The following IL1RAPL1 variants were observed in gnomAD, a reference collection of about 807,000 sequenced individuals.
IL1RAPL1 encodes the protein interleukin-1 receptor accessory protein-like 1.
A neutral mutation model predicts 48.4 loss-of-function variants in IL1RAPL1; 3 were observed. That is an observed-to-expected ratio of 0.06 (90% confidence interval 0.03 to 0.16). IL1RAPL1 has a LOEUF of 0.16. Among genes scored for constraint, IL1RAPL1 ranks in the 10% least tolerant of loss-of-function variants. IL1RAPL1 has a pLI of 1.00. For missense variants in IL1RAPL1, 349 were observed against 530.6 expected (o/e 0.66, Z 3.36); for synonymous variants, 185 against 187.7 (o/e 0.99, Z 0.12).
chrX:28,789,925 G>A (rs1223674487), intron 2 of IL1RAPL1, among the ~76,000 whole-genome samples: 1 of 111,666 alleles, frequency 9.0e-6, no homozygotes, highest in Non-Finnish European at 1.9e-5. Context: ...TATTTTAATA[G>A]GAAATATAGA....
At chrX:29,626,989 A>G (rs1044635782) in intron 5 of IL1RAPL1, among the ~76,000 whole-genome samples, 1 of 112,460 alleles carries the variant, frequency 8.9e-6, no homozygotes, top group East Asian at 2.8e-4. Flanking sequence ...TTAATTACTC[A>G]TGAGATACTC....
chrX:29,052,033 T>G (rs1476353112), intron 2 of IL1RAPL1, among the ~76,000 whole-genome samples: 2 of 112,269 alleles, frequency 1.8e-5, no homozygotes, highest in Non-Finnish European at 3.8e-5. Context: ...CTTCCATATA[T>G]TCCCTCCATA....
intron 6 of IL1RAPL1, among the ~76,000 whole-genome samples, chrX:29,815,667 A>C (rs957779793): frequency 9.0e-6 from 1 of 110,564 alleles, no homozygotes; most frequent in African/African-American, 3.3e-5. Context: ...TGTTCTTAGG[A>C]TATATGCTTC....
chrX:28,975,382 C>T (rs1315424822), intron 2 of IL1RAPL1, among the ~76,000 whole-genome samples: 1 of 112,087 alleles, frequency 8.9e-6, no homozygotes, highest in East Asian at 2.8e-4. Context: ...AGCACTTTAA[C>T]TGTCCTATCA....
At chrX:29,723,748 C>T (rs1265379595) in intron 6 of IL1RAPL1, among the ~76,000 whole-genome samples, 2 of 112,048 alleles carry the variant, frequency 1.8e-5, no homozygotes, top group Non-Finnish European at 3.8e-5. Context: ...AGATAAACTT[C>T]GTTGTCACTA....
chrX:28,740,953 A>C (rs1935899503), intron 1 of IL1RAPL1, among the ~76,000 whole-genome samples: 1 of 112,131 alleles, frequency 8.9e-6, no homozygotes, highest in Non-Finnish European at 1.9e-5. Flanking sequence ...TGCAGTTAAC[A>C]TATGAGTGCG....
intron 1 of IL1RAPL1, among the ~76,000 whole-genome samples, chrX:28,671,814 T>C (rs1934948958): frequency 8.9e-6 from 1 of 112,007 alleles, no homozygotes; most frequent in African/African-American, 3.2e-5. Flanking sequence ...TCCGCACTGG[T>C]ATTTATTTAT....
chrX:28,702,872 G>T (rs1453423667), intron 1 of IL1RAPL1, among the ~76,000 whole-genome samples: 2 of 109,307 alleles, frequency 1.8e-5, no homozygotes, highest in South Asian at 7.7e-4. Flanking sequence ...GAAGACTGTA[G>T]CTTCAAACAT....
At chrX:28,710,973 G>T (rs916880436) in intron 1 of IL1RAPL1, among the ~76,000 whole-genome samples, 1 of 111,911 alleles carries the variant, frequency 8.9e-6, no homozygotes, top group Non-Finnish European at 1.9e-5. Context: ...GAGTGAAATA[G>T]TCATTGTGGA....
intron 3 of IL1RAPL1, among the ~76,000 whole-genome samples, chrX:29,346,069 A>G (rs1933146213): frequency 8.9e-6 from 1 of 112,087 alleles, no homozygotes; most frequent in African/African-American, 3.2e-5. Context: ...TCCAATGAGG[A>G]AAAGATTCAT....
At chrX:29,954,751 C>G in intron 10 of IL1RAPL1, 59 bp downstream of exon 10, 2 of 956,783 alleles carry the variant, frequency 2.1e-6, no homozygotes, top group East Asian at 6.1e-5. Flanking sequence ...GTGTAGTCAT[C>G]ACTTTTTCAT....
intron 5 of IL1RAPL1, among the ~76,000 whole-genome samples, chrX:29,476,590 C>T (rs988959089): frequency 1.2e-4 from 13 of 110,541 alleles, no homozygotes; most frequent in Non-Finnish European, 2.5e-4. Context: ...AAGTGTTATA[C>T]CCCATTAGTA....
At chrX:29,633,324 G>T (rs1216596771) in intron 5 of IL1RAPL1, among the ~76,000 whole-genome samples, 1 of 111,012 alleles carries the variant, frequency 9.0e-6, no homozygotes, top group Admixed American at 9.7e-5. Flanking sequence ...TTAGAAATCA[G>T]AATAGTACTT....
intron 1 of IL1RAPL1, among the ~76,000 whole-genome samples, chrX:28,680,525 A>G (rs1018398709): frequency 9.0e-6 from 1 of 111,510 alleles, no homozygotes; most frequent in Non-Finnish European, 1.9e-5. Flanking sequence ...CCCTAGCTTT[A>G]TATCAGATCT....
intron 2 of IL1RAPL1, among the ~76,000 whole-genome samples, chrX:28,868,067 A>C (rs759405571): frequency 7.2e-5 from 8 of 111,688 alleles, no homozygotes; most frequent in African/African-American, 2.6e-4. Flanking sequence ...TATTTTTCAA[A>C]GATTTATATC....
At chrX:29,639,237 G>T (rs996523163) in intron 5 of IL1RAPL1, among the ~76,000 whole-genome samples, 43 of 106,879 alleles carry the variant, frequency 4.0e-4, no homozygotes, top group African/African-American at 1.4e-3. Context: ...TGTTTTTTTT[G>T]TTTGTTTGTT....
chrX:29,078,226 C>T (rs1023086225), intron 2 of IL1RAPL1, among the ~76,000 whole-genome samples: 5 of 111,568 alleles, frequency 4.5e-5, no homozygotes, highest in African/African-American at 1.3e-4. Context: ...GAGGCAAGAT[C>T]GTGCCATTGC....
At chrX:29,136,495 T>TTTA (rs917876039) in intron 2 of IL1RAPL1, among the ~76,000 whole-genome samples, 5 of 111,558 alleles carry the variant, frequency 4.5e-5, no homozygotes, top group East Asian at 2.8e-4. Flanking sequence ...TGTGATCTTT[T>TTTA]TTATTATTAT....
intron 6 of IL1RAPL1, among the ~76,000 whole-genome samples, chrX:29,676,496 T>A (rs148900775): frequency 0.046 from 5,089 of 111,807 alleles, 278 homozygotes; most frequent in African/African-American, 0.16. Context: ...AATTTTTGTA[T>A]TTCAATGAAA....
Sources: gnomAD v4.1 joint callset for allele counts (sites outside exome capture counted in the v4.1 genomes callset) on GRCh38, gnomAD v4.1.1 for gene constraint, MANE v1.5 for transcripts, NCBI Gene and HGNC (gene_info 2026-07-23, HGNC 2026-07-21) for gene names.